The following GOLGA1 variants were observed in gnomAD, a reference collection of about 807,000 sequenced individuals.
GOLGA1 encodes golgin A1, also known as golgin subfamily A member 1.
GOLGA1 carries 63 observed loss-of-function variants against 119.7 expected under a neutral mutation model. The ratio of observed to expected loss-of-function variants is 0.53; its 90% CI spans 0.43 to 0.65. GOLGA1 has a LOEUF of 0.65. Ranked by LOEUF, GOLGA1 falls within the 30% of genes least tolerant of loss-of-function variation. The pLI is 0.00. For missense variants in GOLGA1, 798 were observed against 912.8 expected, an observed-to-expected ratio of 0.87 and a Z score of 1.62; for synonymous variants, 318 against 333.4, an observed-to-expected ratio of 0.95 and a Z score of 0.50.
chr9:124,929,564 C>G (rs1460072473), intron 4 of GOLGA1, among the ~76,000 whole-genome samples: 1 of 152,170 alleles, frequency 6.6e-6, no homozygotes, highest in Non-Finnish European at 1.5e-5. Context: ...GCCTGGTGAT[C>G]AGAAATGTCC....
At chr9:124,900,729 ACT>A (rs1383777703) in intron 12 of GOLGA1, among the ~76,000 whole-genome samples, 182 bp from the exon 13 acceptor site, 7 of 152,140 alleles carry the variant, frequency 4.6e-5, no homozygotes, top group Non-Finnish European at 7.4e-5. Flanking sequence ...ATTTTCTTAA[ACT>A]CTCTTTTAAT....
Position 124,922,334 on chromosome 9 carries a change from T to C in GOLGA1, c.562-442A>G, listed in dbSNP as rs1052797640. ...TTGGGAGGTTGAGGCATGCATATCG[T>C]TTAAGCCCAGGAGTTTGAGAGCAGC... On this transcript the variant is annotated intron_variant, in intron 8 of 22. Transcript: ENST00000373555. Among the ~76,000 whole-genome samples the C allele has an allele frequency of 4.6e-5, 7 of 151,432 alleles. No homozygotes were observed. In the East Asian group the frequency reaches 1.2e-3, roughly 25 times the overall value.
intron 13 of GOLGA1, 53 bp from the exon 14 acceptor site, chr9:124,899,531 G>A: frequency 6.6e-7 from 1 of 1,508,262 alleles, no homozygotes; most frequent in South Asian, 1.2e-5. Context: ...TTCCAGTGGG[G>A]GATCTTAGTC....
chr9:124,921,323 T>C lies in GOLGA1; in HGVS notation c.732-83A>G, dbSNP rs1830565401. 1.7e-5 allele frequency: 14 copies of C among 833,778 alleles called. No homozygotes were observed. In the South Asian group the frequency reaches 1.8e-4, roughly 11 times the overall value. The allele number at this position is 833,778 out of a possible 1,614,324, so 51.6% of individuals were successfully genotyped here. ...CTTCTGCAGGAAAAATACAAATGGTTTCTTCTGTGTCAGGGCTACAAGCAT... is the reference window on the plus strand; with the variant it reads ...CTTCTGCAGGAAAAATACAAATGGTCTCTTCTGTGTCAGGGCTACAAGCAT... On this transcript the variant is annotated intron_variant, in intron 9 of 22. Transcript: ENST00000373555.
At chr9:124,929,408 G>A in intron 4 of GOLGA1, 118 bp from the exon 5 acceptor site, 1 of 712,228 alleles carries the variant, frequency 1.4e-6, no homozygotes, top group Non-Finnish European at 2.6e-6. Flanking sequence ...AACCATTCCT[G>A]TTAAGGAAAG....
chr9:124,907,320 C>T (rs987834928), intron 12 of GOLGA1, among the ~76,000 whole-genome samples: 2 of 152,106 alleles, frequency 1.3e-5, no homozygotes, highest in African/African-American at 4.8e-5. Context: ...TACCTAAGAC[C>T]ATACAGAAAG....
intron 7 of GOLGA1, among the ~76,000 whole-genome samples, chr9:124,923,680 G>T (rs1830614308): frequency 1.3e-5 from 2 of 151,284 alleles, no homozygotes; most frequent in Admixed American, 1.3e-4. Context: ...GTAGAGACAG[G>T]ATCTTGCTCT....
intron 15 of GOLGA1, among the ~76,000 whole-genome samples, chr9:124,897,320 T>A (rs1216224681): frequency 6.6e-6 from 1 of 152,172 alleles, no homozygotes; most frequent in Non-Finnish European, 1.5e-5. Context: ...ACTTTACCTA[T>A]TTTTTCCACT....
intron 15 of GOLGA1, among the ~76,000 whole-genome samples, chr9:124,891,769 C>T (rs754492279): frequency 1.3e-5 from 2 of 151,802 alleles, no homozygotes; most frequent in Non-Finnish European, 2.9e-5. Context: ...CTCCCCCTCC[C>T]GAGTAGCTGG....
upstream of GOLGA1, among the ~76,000 whole-genome samples, chr9:124,942,025 CCA>C (rs1450225577): frequency 6.6e-6 from 1 of 152,180 alleles, no homozygotes; most frequent in East Asian, 1.9e-4. Flanking sequence ...CCTGTAATCC[CCA>C]CACTTTGAGA....
At position 124,898,476 on chromosome 9, in the gene GOLGA1, A is replaced by C. The variant is rs1364366813; in HGVS notation, c.1407+73T>G. ...CTCCTCCTGTACTGTAAGTATGAGAAGTGGGGCACTGTAAATACACATGTA... is the reference window on the plus strand; with the variant it reads ...CTCCTCCTGTACTGTAAGTATGAGACGTGGGGCACTGTAAATACACATGTA... On this transcript the variant is annotated intron_variant, in intron 15 of 22. Transcript: ENST00000373555. 3 of 840,406 alleles carry C rather than the reference A, an allele frequency of 3.6e-6. No individual in the cohort carries two copies. The African/African-American group carries it at 5.0e-5, about 14-fold the overall frequency. 52.1% of individuals were successfully genotyped at this position (840,406 alleles called of 1,614,324 possible). A position where few individuals can be genotyped will look rare whatever the true frequency, so the allele number is the denominator to read the frequency against.
At chr9:124,899,552 T>G in intron 13 of GOLGA1, 74 bp from the exon 14 acceptor site, 2 of 1,374,172 alleles carry the variant, frequency 1.5e-6, no homozygotes, top group Non-Finnish European at 2.0e-6. Context: ...TGGCCCTAGG[T>G]GAGAAGATGA....
intron 10 of GOLGA1, among the ~76,000 whole-genome samples, chr9:124,919,621 A>T (rs191294001): frequency 5.9e-5 from 9 of 152,326 alleles, no homozygotes; most frequent in East Asian, 5.8e-4. Flanking sequence ...TGTAAGTATG[A>T]TAATACTTAG....
intron 10 of GOLGA1, among the ~76,000 whole-genome samples, chr9:124,914,540 G>A (rs781006515): frequency 6.6e-6 from 1 of 152,148 alleles, no homozygotes; most frequent in Non-Finnish European, 1.5e-5. Flanking sequence ...AACTGTTGAT[G>A]TAAGAGTTGG....
chr9:124,881,204 C>T lies in GOLGA1; in HGVS notation c.2190G>A (p.Glu730=), dbSNP rs184620151. Residue 730 remains glutamate, a synonymous_variant, in exon 22 of 23, where the codon GAG becomes GAA. Coordinates refer to ENST00000373555, the MANE Select transcript of GOLGA1 (RefSeq NM_002077.4). This position sits in a 1 kb window ranked among gnomAD's most constrained non-coding sequence, Gnocchi z 4.9. ...CCAGAGTTTCCTTGAGCATGTTCTCCTCCTCTTGGGAAAAGTTCAGCAACA... is the reference window on the plus strand; with the variant it reads ...CCAGAGTTTCCTTGAGCATGTTCTCTTCCTCTTGGGAAAAGTTCAGCAACA... ...VSVLLNFSQE[E]ENMLKETLEY... is the part of the protein sequence containing the mutation. The T allele has an allele frequency of 7.5e-6, 12 of 1,597,832 alleles. No homozygotes were observed. In the East Asian group the frequency reaches 2.2e-4, roughly 30 times the overall value.
intron 12 of GOLGA1, among the ~76,000 whole-genome samples, chr9:124,907,802 A>C (rs1376670355): frequency 6.6e-6 from 1 of 152,226 alleles, no homozygotes; most frequent in Non-Finnish European, 1.5e-5. Flanking sequence ...TGGAAATGCC[A>C]ATGCTGGAAA....
chr9:124,904,199 A>G (rs1830170738), intron 12 of GOLGA1, among the ~76,000 whole-genome samples: 1 of 152,202 alleles, frequency 6.6e-6, no homozygotes, highest in African/African-American at 2.4e-5. Context: ...CAAACATTGT[A>G]TGATTCCACC....
chr9:124,904,982 AT>A (rs1177524971), intron 12 of GOLGA1, among the ~76,000 whole-genome samples: 2 of 149,830 alleles, frequency 1.3e-5, no homozygotes, highest in African/African-American at 4.9e-5. Context: ...AATTAAAAAA[AT>A]ACAAAAAAAA....
At chr9:124,900,255 AG>A in intron 13 of GOLGA1, 196 bp downstream of exon 13, 1 of 439,594 alleles carries the variant, frequency 2.3e-6, no homozygotes. Flanking sequence ...TGCACCTCCC[AG>A]GTAACTCAGG....
Sources: allele counts gnomAD v4.1 joint callset (sites outside exome capture counted in the v4.1 genomes callset), GRCh38; gene constraint gnomAD v4.1.1; non-coding constraint Gnocchi (gnomAD v3.1); transcripts MANE v1.5; gene names NCBI Gene and HGNC (gene_info 2026-07-23, HGNC 2026-07-21).